KCNAB2: variants seen among roughly 807,000 people sequenced by gnomAD.
KCNAB2 encodes the protein potassium voltage-gated channel subfamily A regulatory beta subunit 2.
In KCNAB2, 29 loss-of-function variants were observed where a neutral mutation model predicts 63.6. The ratio of observed to expected loss-of-function variants is 0.46; its 90% CI spans 0.34 to 0.62. KCNAB2 has a LOEUF of 0.62. KCNAB2 is among the 20% of genes least tolerant of loss of function. The pLI is 0.01. For missense variants in KCNAB2, 359 were observed against 563.9 expected (o/e 0.64, Z 3.68); for synonymous variants, 222 against 224.2 (o/e 0.99, Z 0.09).
chr1:6,013,735 C>T (rs1051658796), intron 1 of KCNAB2, among the ~76,000 whole-genome samples: 5 of 152,114 alleles, frequency 3.3e-5, no homozygotes, highest in East Asian at 1.9e-4. Context: ...TCTGTCTCCC[C>T]GCCCTTGCCC....
rs930280408 is a variant in KCNAB2, at chr1:6,074,270, G to A, written c.300+500G>A. Among the ~76,000 whole-genome samples, 3 of 152,216 alleles carry A rather than the reference G, an allele frequency of 2.0e-5. No homozygotes were observed. Among genetic ancestry groups the A allele is most frequent in the Non-Finnish European group, 2.9e-5 (2 of 68,042 alleles). On this transcript the variant is annotated intron_variant, in intron 4 of 15. Coordinates refer to ENST00000378083, the MANE Select transcript of KCNAB2 (RefSeq NM_001199862.2). The surrounding 1 kb of genome is among the most constrained non-coding windows in gnomAD (Gnocchi z 4.9). ...GTCCATTTCCCAGCTGCCGCGAACC[G>A]TGCGGATCGCAGTCAGATGTATTTG...
At chr1:5,997,448 G>A (rs1408881161) in intron 1 of KCNAB2, among the ~76,000 whole-genome samples, 1 of 152,138 alleles carries the variant, frequency 6.6e-6, no homozygotes, top group South Asian at 2.1e-4. Flanking sequence ...GCCTCGTGGA[G>A]GGCCTGCAAG....
intron 5 of KCNAB2, 103 bp downstream of exon 5, chr1:6,082,377 C>G (rs564536938): frequency 1.2e-6 from 1 of 854,856 alleles, no homozygotes; most frequent in Middle Eastern, 2.2e-4. Context: ...CTCACAAATG[C>G]ACCTTGCACC....
intron 9 of KCNAB2, among the ~76,000 whole-genome samples, chr1:6,090,791 T>C (rs563642388): frequency 1.3e-5 from 2 of 152,256 alleles, no homozygotes; most frequent in South Asian, 4.1e-4. Flanking sequence ...GCGGCTGCTA[T>C]TTTGCAGCTA....
intron 11 of KCNAB2, 84 bp from the exon 12 acceptor site, chr1:6,095,239 C>T: frequency 6.9e-7 from 1 of 1,448,104 alleles, no homozygotes; most frequent in Non-Finnish European, 9.4e-7. Flanking sequence ...CCGGGGACAC[C>T]TTGGTGCCCT....
At chr1:6,008,007 T>C (rs1657927394) in intron 1 of KCNAB2, among the ~76,000 whole-genome samples, 1 of 152,104 alleles carries the variant, frequency 6.6e-6, no homozygotes, top group Non-Finnish European at 1.5e-5. Flanking sequence ...CCTGGAGCTG[T>C]CTGGTTTGAC....
At chr1:6,030,720 GTA>G (rs1429123005), upstream of KCNAB2, among the ~76,000 whole-genome samples, 2 of 151,370 alleles carry the variant, frequency 1.3e-5, no homozygotes, top group Non-Finnish European at 2.9e-5. Flanking sequence ...GTAGGTATGT[GTA>G]TGTTTATGTG....
intron 2 of KCNAB2, among the ~76,000 whole-genome samples, chr1:6,053,646 G>A (rs955525042): frequency 2.6e-5 from 4 of 152,176 alleles, no homozygotes; most frequent in East Asian, 3.9e-4. Context: ...GACACAAGGC[G>A]ATGATGCAGG....
chr1:5,995,369 T>A (rs1198279336), intron 1 of KCNAB2, among the ~76,000 whole-genome samples: 1 of 152,202 alleles, frequency 6.6e-6, no homozygotes, highest in Non-Finnish European at 1.5e-5. Context: ...TACTTCCTAC[T>A]TATTTGAGCC....
At chr1:6,043,680 A>G (rs964657686), upstream of KCNAB2, among the ~76,000 whole-genome samples, 1 of 152,100 alleles carries the variant, frequency 6.6e-6, no homozygotes, top group Non-Finnish European at 1.5e-5. Context: ...CAAGCATACC[A>G]CTAAACATGG....
chr1:6,093,169 C>T (rs1242295171), intron 10 of KCNAB2, among the ~76,000 whole-genome samples: 1 of 152,226 alleles, frequency 6.6e-6, no homozygotes, highest in Non-Finnish European at 1.5e-5. Flanking sequence ...TCAGCTTCCA[C>T]GCAGCATGGG....
intron 15 of KCNAB2, 156 bp downstream of exon 15, chr1:6,097,513 C>A: frequency 3.0e-6 from 4 of 1,337,630 alleles, no homozygotes; most frequent in Non-Finnish European, 4.1e-6. Context: ...AGCTTGCTTT[C>A]CAGCAGGAAC....
chr1:6,087,179 G>C lies in KCNAB2; in HGVS notation c.426-288G>C, dbSNP rs890113505. On this transcript the variant is annotated intron_variant, in intron 6 of 15. Coordinates refer to ENST00000378083, the MANE Select transcript of KCNAB2 (RefSeq NM_001199862.2). This position sits in a 1 kb window ranked among gnomAD's most constrained non-coding sequence, Gnocchi z 6.4. ...CCCCCTCCCACATCCTGGGCGGAAG[G>C]CATCTCCTCCGGACTCCGGTCACAC... Among the ~76,000 whole-genome samples, 2 of 152,070 alleles carry C rather than the reference G, an allele frequency of 1.3e-5. No homozygotes were observed. The highest frequency in any genetic ancestry group is 1.9e-4 in the East Asian group (1 of 5,152).
chr1:6,070,434 T>C (rs2100644889), intron 2 of KCNAB2, among the ~76,000 whole-genome samples: 1 of 152,326 alleles, frequency 6.6e-6, no homozygotes, highest in Non-Finnish European at 1.5e-5. Context: ...AGTGGTACAG[T>C]TGGGCTGTTC....
upstream of KCNAB2, among the ~76,000 whole-genome samples, chr1:6,043,547 G>A (rs571478075): frequency 2.0e-4 from 30 of 152,314 alleles, no homozygotes; most frequent in African/African-American, 5.1e-4. Context: ...CATCCTACCC[G>A]TTGGATCTCC....
At position 6,012,701 on chromosome 1, in the gene KCNAB2, G is replaced by A. The variant is rs569221225; in HGVS notation, c.-53+19913G>A. On this transcript the variant is annotated intron_variant, in intron 1 of 16. Transcript: ENST00000341524. ...AGATGGAGGTAGTGGTGGAGGTGAT[G>A]AAGGTGGAGAGGGTAGAGGTCATGG... Among the ~76,000 whole-genome samples the A allele has an allele frequency of 4.6e-5, 7 of 152,018 alleles. 1 individual carries two copies. The highest frequency in any genetic ancestry group is 3.4e-3 in the Middle Eastern group (1 of 294).
At chr1:6,062,439 C>T (rs1446608681) in intron 2 of KCNAB2, among the ~76,000 whole-genome samples, 17 of 152,182 alleles carry the variant, frequency 1.1e-4, no homozygotes, top group Admixed American at 1.0e-3. Flanking sequence ...GTTTGTGTCC[C>T]TTAGTATCAT....
chr1:6,041,662 C>T (rs1172207273), upstream of KCNAB2: 20 of 613,138 alleles, frequency 3.3e-5, no homozygotes, highest in Admixed American at 3.3e-4. Context: ...CACTTGGCAC[C>T]GGCTGCGCTT....
rs371674131 is a variant in KCNAB2 at position 6,024,161 on chromosome 1, C to T, written c.-52-16356C>T. ...TTCACCATGTTGGTCAGGCTGGTCTCGAACTCCTGACCTCAGGTGATCCAC... is the reference window on the plus strand; with the variant it reads ...TTCACCATGTTGGTCAGGCTGGTCTTGAACTCCTGACCTCAGGTGATCCAC... On this transcript the variant is annotated intron_variant, in intron 1 of 16. Transcript: ENST00000341524. The surrounding 1 kb of genome is among the most constrained non-coding windows in gnomAD (Gnocchi z 5.4). Among the ~76,000 whole-genome samples, 20 of 152,150 alleles carry T rather than the reference C, an allele frequency of 1.3e-4. No individual in the cohort carries two copies. The East Asian group carries it at 1.3e-3, about 10-fold the overall frequency.
Sources: gnomAD v4.1 joint callset for allele counts (sites outside exome capture counted in the v4.1 genomes callset) on GRCh38, gnomAD v4.1.1 for gene constraint, Gnocchi (gnomAD v3.1) non-coding constraint, MANE v1.5 for transcripts, NCBI Gene and HGNC (gene_info 2026-07-23, HGNC 2026-07-21) for gene names.